TSR3: variants seen among roughly 807,000 people sequenced by gnomAD.
The protein encoded by TSR3 is 18S rRNA aminocarboxypropyltransferase.
TSR3 carries 31 observed loss-of-function variants against 28.1 expected under a neutral mutation model. That is an observed-to-expected ratio of 1.10 (90% CI 0.83 to 1.49). The LOEUF is 1.49. Ranked by LOEUF, TSR3 falls within the 40% of genes most tolerant of loss-of-function variation. TSR3 has a pLI of 0.00. For synonymous variants in TSR3, 219 were observed against 197.2 expected (o/e 1.11, Z -0.93); for missense variants, 511 against 444.0 (o/e 1.15, Z -1.36).
At position 1,349,562 on chromosome 16, in the gene TSR3, G is replaced by A. The variant is rs779116564; in HGVS notation, c.814C>T (p.Pro272Ser). Residue 272 changes from proline to serine, a missense_variant, in exon 6 of 6, where the codon CCT (proline) becomes TCT (serine). Transcript: ENST00000007390. ...DDSDASEDPG[P>S]GAERGGASSS... ...CTGGCTCCTCCGCGCTCGGCGCCAG[G>A]CCCTGGGTCCTCAGACGCATCACTG... 2 of 1,612,928 alleles carry A rather than the reference G, an allele frequency of 1.2e-6. No homozygotes were observed.
At chr16:1,349,852 G>C in intron 5 of TSR3, 37 bp downstream of exon 5, 2 of 1,611,262 alleles carry the variant, frequency 1.2e-6, no homozygotes, top group Non-Finnish European at 1.7e-6. Context: ...GAGAGCCCTG[G>C]GTCTGAGTGA....
chr16:1,350,765 G>A (rs886533091), intron 3 of TSR3, 42 bp downstream of exon 3: 74 of 1,587,614 alleles, frequency 4.7e-5, no homozygotes, highest in Non-Finnish European at 6.4e-5. Context: ...AGCAGGAACA[G>A]CAGGCCGCCG....
rs2034623267 is a variant in TSR3, at chr16:1,349,930, C to T, written c.726G>A (p.Gly242=). The T allele has an allele frequency of 6.2e-7, 1 of 1,613,648 alleles. No individual in the cohort carries two copies. The highest frequency in any genetic ancestry group is 8.5e-7 in the Non-Finnish European group (1 of 1,180,008). ...GCCTGTTGGGGTTTCCAAACTCTCT[C>T]CCTGAATCCACATCGAAGGGATCTG... ...EEIDPFDVDS[G]REFGNPNRPV... The change falls in exon 5 of 6, where the codon GGG becomes GGA. Residue 242 remains glycine, a synonymous_variant. Transcript: ENST00000007390.
Position 1,351,752 on chromosome 16 carries a change from C to T in TSR3, c.53G>A (p.Arg18Gln). 2.2e-6 allele frequency: 3 copies of T among 1,355,580 alleles called. No individual in the cohort carries two copies. Among genetic ancestry groups the T allele is most frequent in the Non-Finnish European group, 2.8e-6 (3 of 1,059,194 alleles). 84.0% of individuals were successfully genotyped at this position (1,355,580 alleles called of 1,614,324 possible). ...CTCCAGGGAGCGCGTCGGGAGGTGCCGAGGGCGGCCGCCTTCCGCCCCCGG... is the reference window on the plus strand; with the variant it reads ...CTCCAGGGAGCGCGTCGGGAGGTGCTGAGGGCGGCCGCCTTCCGCCCCCGG... Reference protein sequence around the residue: ...RGPGAEGGRPRHLPTRSLEAF... With the variant: ...RGPGAEGGRPQHLPTRSLEAF... Residue 18 changes from arginine (R) to glutamine (Q), a missense_variant, in exon 1 of 6, where the codon CGG becomes CAG. Transcript: ENST00000007390.
intron 2 of TSR3, 89 bp downstream of exon 2, chr16:1,351,290 G>A: frequency 7.4e-7 from 1 of 1,359,194 alleles, no homozygotes; most frequent in Non-Finnish European, 9.9e-7. Flanking sequence ...TGTGGATGTG[G>A]GTGCGACATA....
rs781497708 is a variant in TSR3, at chr16:1,350,203, C to A, written c.558G>T (p.Arg186=). The stretch of plus-strand genomic sequence containing the variant: ...AGAAGCCCTTGCCCCATTTAAACTT[C>A]CGCAGCAAAATGACAGCAAGGTCTG... ...GFPDLAVILL[R]KFKWGKGFLD... The change falls in exon 4 of 6, where the codon CGG becomes CGT. Residue 186 remains arginine (R), a synonymous_variant. Transcript: ENST00000007390. The A allele has an allele frequency of 6.2e-7, 1 of 1,602,932 alleles. No homozygotes were observed. The highest frequency in any genetic ancestry group is 8.5e-7 in the Non-Finnish European group (1 of 1,178,256).
chr16:1,350,635 C>T (rs886585702), intron 3 of TSR3, among the ~76,000 whole-genome samples, 172 bp downstream of exon 3: 1 of 152,198 alleles, frequency 6.6e-6, no homozygotes, highest in Non-Finnish European at 1.5e-5. Context: ...TGCAACTCCA[C>T]AGGCCGAAAA....
Position 1,351,573 on chromosome 16 carries a change from G to A in TSR3, c.138C>T (p.Asp46=). 6.8e-7 allele frequency: 1 copy of A among 1,475,070 alleles called. No homozygotes were observed. The highest frequency in any genetic ancestry group is 8.9e-7 in the Non-Finnish European group (1 of 1,122,006). The allele number at this position is 1,475,070 out of a possible 1,614,324, so 91.4% of individuals were successfully genotyped here. A position where few individuals can be genotyped will look rare whatever the true frequency, so the allele number is the denominator to read the frequency against. Residue 46 remains aspartate (D), a synonymous_variant, in exon 2 of 6, where the codon GAC becomes GAT. Coordinates refer to ENST00000007390, the MANE Select transcript of TSR3 (RefSeq NM_001001410.3). ...CCGCCGGGCCCGGGCCGCCCTCGCC[G>A]TCAGCCGCCCCTGGCTCCACGGAAG... is the stretch of plus-strand genomic sequence containing the variant. ...LQASVEPGAA[D]GEGGPGPAAL... is the part of the protein sequence containing the mutation.
rs755611794 is a variant in TSR3 at position 1,349,410 on chromosome 16, C to T, written c.*27G>A. 1.8e-5 allele frequency: 29 copies of T among 1,613,094 alleles called. No homozygotes were observed. The South Asian group carries it at 2.0e-4, about 11-fold the overall frequency. Reference sequence around the variant, plus strand: ...GTCTCTAGATTTTCTCGTCACCCAGCCTCAAAAATATATGTGTCTGCAACC... The same window carrying T: ...GTCTCTAGATTTTCTCGTCACCCAGTCTCAAAAATATATGTGTCTGCAACC... On this transcript the variant is annotated 3_prime_UTR_variant, in exon 6 of 6. Coordinates refer to ENST00000007390, the MANE Select transcript of TSR3 (RefSeq NM_001001410.3).
chr16:1,349,750 A>G (rs933556204), intron 5 of TSR3, 139 bp downstream of exon 5: 11 of 1,367,100 alleles, frequency 8.0e-6, no homozygotes, highest in African/African-American at 2.9e-5. Context: ...CCAGTGGGAC[A>G]TGCACTGCAG....
chr16:1,351,121 A>G, intron 2 of TSR3, 121 bp from the exon 3 acceptor site: 1 of 1,137,220 alleles, frequency 8.8e-7, no homozygotes, highest in Non-Finnish European at 1.2e-6. Flanking sequence ...AACACCCTCA[A>G]ACGGACTTCA....
Position 1,351,754 on chromosome 16 carries a change from A to G in TSR3, c.51T>C (p.Pro17=), listed in dbSNP as rs1348200331. 11 of 1,355,200 alleles carry G rather than the reference A, an allele frequency of 8.1e-6. No individual in the cohort carries two copies. The highest frequency in any genetic ancestry group is 9.4e-6 in the Non-Finnish European group (10 of 1,059,064). The allele number at this position is 1,355,200 out of a possible 1,614,324, so 83.9% of individuals were successfully genotyped here. ...CCAGGGAGCGCGTCGGGAGGTGCCG[A>G]GGGCGGCCGCCTTCCGCCCCCGGCC... The part of the protein sequence containing the change: ...ARGPGAEGGR[P]RHLPTRSLEA... Residue 17 remains proline, a synonymous_variant, in exon 1 of 6, where the codon CCT becomes CCC. Transcript: ENST00000007390.
intron 1 of TSR3, 40 bp from the exon 2 acceptor site, chr16:1,351,638 AC>A (rs1342947739): frequency 5.6e-6 from 8 of 1,433,440 alleles, no homozygotes; most frequent in Non-Finnish European, 7.3e-6. Flanking sequence ...TCAGCGTGGG[AC>A]CCCCGGGCAG....
rs572984800 is a variant in TSR3, at chr16:1,349,264, G to A, written c.*173C>T. ...CTTCTTGGCCTGCAGCTTCATTTGCGAGAGCGCCGAGGCAGGACACAGAGC... is the reference window on the plus strand; with the variant it reads ...CTTCTTGGCCTGCAGCTTCATTTGCAAGAGCGCCGAGGCAGGACACAGAGC... On this transcript the variant is annotated 3_prime_UTR_variant, in exon 6 of 6. Transcript: ENST00000007390. 1.2e-4 allele frequency: 88 copies of A among 736,998 alleles called. No homozygotes were observed. Among genetic ancestry groups the A allele is most frequent in the African/African-American group, 1.1e-3 (65 of 57,060 alleles). 45.7% of individuals were successfully genotyped at this position (736,998 alleles called of 1,614,324 possible).
In TSR3 at chr16:1,349,931, C is replaced by T. The variant is rs1158695131; in HGVS notation, c.725G>A (p.Gly242Glu). 1 of 1,613,640 alleles carries T rather than the reference C, an allele frequency of 6.2e-7. No individual in the cohort carries two copies. ...EEIDPFDVDSGREFGNPNRPV... is the reference protein window; with the variant it reads ...EEIDPFDVDSEREFGNPNRPV... ...CCTGTTGGGGTTTCCAAACTCTCTC[C>T]CTGAATCCACATCGAAGGGATCTGA... The change falls in exon 5 of 6, where the codon GGG (glycine) becomes GAG (glutamate). Residue 242 changes from glycine (G) to glutamate (E), a missense_variant. Physicochemically the swap from Gly to Glu is moderately conservative, Grantham distance 98 (BLOSUM62 -2). Coordinates refer to ENST00000007390, the MANE Select transcript of TSR3 (RefSeq NM_001001410.3).
At position 1,351,364 on chromosome 16, in the gene TSR3, G is replaced by A. The variant is rs771248944; in HGVS notation, c.332+15C>T. On this transcript the variant is annotated intron_variant, in intron 2 of 5. Coordinates refer to ENST00000007390, the MANE Select transcript of TSR3 (RefSeq NM_001001410.3). The stretch of plus-strand genomic sequence containing the variant: ...TGGAAATGAAGACGACCTCGGGCAG[G>A]CCTCCCGCGCCTACCTGTCTGCGGG... 4 of 1,568,946 alleles carry A rather than the reference G, an allele frequency of 2.5e-6. No individual in the cohort carries two copies. Among genetic ancestry groups the A allele is most frequent in the Admixed American group, 3.7e-5 (2 of 54,440 alleles).
In TSR3 at chr16:1,351,718, G is replaced by C. The variant is rs1308690857; in HGVS notation, c.87C>G (p.Ala29=). 2 of 1,373,150 alleles carry C rather than the reference G, an allele frequency of 1.5e-6. No homozygotes were observed. The highest frequency in any genetic ancestry group is 1.9e-6 in the Non-Finnish European group (2 of 1,068,084). 85.1% of individuals were successfully genotyped at this position (1,373,150 alleles called of 1,614,324 possible). The change falls in exon 1 of 6, where the codon GCC becomes GCG. Residue 29 remains alanine, a synonymous_variant. Coordinates refer to ENST00000007390, the MANE Select transcript of TSR3 (RefSeq NM_001001410.3). ...HLPTRSLEAF[A]EEVGAALQAS... ...CCTGCAGCGCGGCGCCGACCTCCTCGGCGAAGGCCTCCAGGGAGCGCGTCG... is the reference window on the plus strand; with the variant it reads ...CCTGCAGCGCGGCGCCGACCTCCTCCGCGAAGGCCTCCAGGGAGCGCGTCG...
Position 1,351,498 on chromosome 16 carries a change from C to T in TSR3, c.213G>A (p.Arg71=), listed in dbSNP as rs1425997396. The T allele has an allele frequency of 4.5e-6, 7 of 1,553,476 alleles. No individual in the cohort carries two copies. Among genetic ancestry groups the T allele is most frequent in the Admixed American group, 1.9e-5 (1 of 53,486 alleles). ...GGGCCAGCTTGCGGCCCGTGCAGCGCCGGGGGTCGCAGTGGCCCAACTCCC... is the reference window on the plus strand; with the variant it reads ...GGGCCAGCTTGCGGCCCGTGCAGCGTCGGGGGTCGCAGTGGCCCAACTCCC... ...AMWELGHCDP[R]RCTGRKLARL... The change falls in exon 2 of 6, where the codon CGG becomes CGA. Residue 71 remains arginine, a synonymous_variant. Coordinates refer to ENST00000007390, the MANE Select transcript of TSR3 (RefSeq NM_001001410.3).
chr16:1,350,138 C>A lies in TSR3; in HGVS notation c.623G>T (p.Cys208Phe), dbSNP rs1454783649. The A allele has an allele frequency of 1.2e-6, 2 of 1,612,378 alleles. No homozygotes were observed. Among genetic ancestry groups the A allele is most frequent in the Non-Finnish European group, 1.7e-6 (2 of 1,179,674 alleles). ...CTGCAGCACCTCCTCCGGGCTGCCG[C>A]AGGCCGCGTACTTGTCCAGGAGCTG... is the stretch of plus-strand genomic sequence containing the variant. The part of the protein sequence containing the change: ...NRQLLDKYAA[C>F]GSPEEVLQAE... The change falls in exon 4 of 6, where the codon TGC (cysteine) becomes TTC (phenylalanine). Residue 208 changes from cysteine (C) to phenylalanine (F), a missense_variant. Coordinates refer to ENST00000007390, the MANE Select transcript of TSR3 (RefSeq NM_001001410.3).
Sources: allele counts gnomAD v4.1 joint callset (sites outside exome capture counted in the v4.1 genomes callset), GRCh38; gene constraint gnomAD v4.1.1; transcripts MANE v1.5; gene names NCBI Gene and HGNC (gene_info 2026-07-23, HGNC 2026-07-21).